Variants in EMILIN2 observed in about 807,000 individuals in gnomAD.
The protein encoded by EMILIN2 is elastin microfibril interfacer 2, also known as EMILIN-2.
Under a neutral mutation model 87.1 loss-of-function variants are expected in EMILIN2, and 71 were observed. That is an observed-to-expected ratio of 0.82 (90% CI 0.67 to 0.99). EMILIN2 has a LOEUF of 0.99. EMILIN2 is among the 50% of genes least tolerant of loss of function. The pLI, the probability that EMILIN2 is intolerant of heterozygous loss-of-function variation, is 0.00. For synonymous variants in EMILIN2, 581 were observed against 563.4 expected (o/e 1.03, Z -0.44); for missense variants, 1,407 against 1,371.8 (o/e 1.03, Z -0.40).
intron 2 of EMILIN2, among the ~76,000 whole-genome samples, chr18:2,868,182 G>A (rs574501250): frequency 1.3e-5 from 2 of 151,972 alleles, no homozygotes; most frequent in East Asian, 1.9e-4. Flanking sequence ...GGGCAGAGAC[G>A]CTCCTCACAT....
intron 4 of EMILIN2, 64 bp from the exon 5 acceptor site, chr18:2,906,719 G>T: frequency 8.4e-7 from 1 of 1,183,668 alleles, no homozygotes; most frequent in Non-Finnish European, 1.1e-6. Flanking sequence ...AGGGGACCCT[G>T]ACGGGGCAGT....
chr18:2,886,915 G>A (rs1308120177), intron 3 of EMILIN2, among the ~76,000 whole-genome samples: 1 of 152,038 alleles, frequency 6.6e-6, no homozygotes, highest in African/African-American at 2.4e-5. Flanking sequence ...TACCTGGACG[G>A]GACATCCTCT....
Position 2,909,685 on chromosome 18 carries a change from C to T in EMILIN2, c.2696-6C>T, listed in dbSNP as rs2076931799. 2.5e-6 allele frequency: 4 copies of T among 1,613,814 alleles called. No homozygotes were observed. The highest frequency in any genetic ancestry group is 2.5e-6 in the Non-Finnish European group (3 of 1,179,808). ...GTCAATCCATTCCATCCTTTCTCTG[C>T]TCCAGGAGCTCCGGTGCCTTCTCTG... On this transcript the variant is annotated splice_polypyrimidine_tract_variant and splice_region_variant and intron_variant, in intron 6 of 7. Transcript: ENST00000254528.
In EMILIN2 at chr18:2,913,438, A is replaced by C; in HGVS notation, c.*34A>C. On this transcript the variant is annotated 3_prime_UTR_variant, in exon 8 of 8. Coordinates refer to ENST00000254528, the MANE Select transcript of EMILIN2 (RefSeq NM_032048.3). ...GGGAGATGTCAGGGGAAAGATAGATAGTTGTAAAAACTCTAAAGCTTTAAT... is the reference window on the plus strand; with the variant it reads ...GGGAGATGTCAGGGGAAAGATAGATCGTTGTAAAAACTCTAAAGCTTTAAT... The C allele has an allele frequency of 6.7e-7, 1 of 1,491,960 alleles. No individual in the cohort carries two copies. Among genetic ancestry groups the C allele is most frequent in the East Asian group, 2.3e-5 (1 of 44,144 alleles). 92.4% of individuals were successfully genotyped at this position (1,491,960 alleles called of 1,614,324 possible).
At position 2,885,144 on chromosome 18, in the gene EMILIN2, C is replaced by T; in HGVS notation, c.433+5C>T. ...ACAGCTTGAAGAAAGCCACAGGTAA[C>T]TTCTTATTTGTGCTATTATGTATGG... is the stretch of plus-strand genomic sequence containing the variant. On this transcript the variant is annotated splice_donor_5th_base_variant and intron_variant, in intron 3 of 7. Transcript: ENST00000254528. 6.3e-7 allele frequency: 1 copy of T among 1,594,440 alleles called. No individual in the cohort carries two copies. Among genetic ancestry groups the T allele is most frequent in the South Asian group, 1.1e-5 (1 of 88,146 alleles).
rs540338330 is a variant in EMILIN2, at chr18:2,853,602, AC to A, written c.257+5674del. ...TTCATTGTTTTCCATTCTTATAGCAACCCTCTGGGGTCACTACCCCCATTTT... is the reference window on the plus strand; with the variant it reads ...TTCATTGTTTTCCATTCTTATAGCAACCTCTGGGGTCACTACCCCCATTTT... On this transcript the variant is annotated intron_variant, in intron 2 of 7. Transcript: ENST00000254528. Among the ~76,000 whole-genome samples the A allele has an allele frequency of 9.9e-5, 15 of 152,254 alleles. No homozygotes were observed. In the East Asian group the frequency reaches 2.9e-3, roughly 29 times the overall value.
intron 3 of EMILIN2, among the ~76,000 whole-genome samples, chr18:2,887,909 C>T (rs1364265785): frequency 6.6e-6 from 1 of 152,136 alleles, no homozygotes; most frequent in Non-Finnish European, 1.5e-5. Context: ...TCAAGTGATC[C>T]TCCCACCTCA....
rs369411367 is a variant in EMILIN2, at chr18:2,892,506, T to G, written c.2359+20T>G. ...CAGCAAGTAAGTTGAATATTACAATTCTATTTCTTGTATTTCTTTGCAGCA... is the reference window on the plus strand; with the variant it reads ...CAGCAAGTAAGTTGAATATTACAATGCTATTTCTTGTATTTCTTTGCAGCA... On this transcript the variant is annotated intron_variant, in intron 4 of 7. Coordinates refer to ENST00000254528, the MANE Select transcript of EMILIN2 (RefSeq NM_032048.3). 3 of 1,554,426 alleles carry G rather than the reference T, an allele frequency of 1.9e-6. No homozygotes were observed. The highest frequency in any genetic ancestry group is 2.6e-6 in the Non-Finnish European group (3 of 1,151,402).
chr18:2,907,069 CTTCGCG>C lies in EMILIN2; in HGVS notation c.2647_2652del (p.Phe883_Ala884del). On this transcript the variant is annotated inframe_deletion, in exon 5 of 8. Coordinates refer to ENST00000254528, the MANE Select transcript of EMILIN2 (RefSeq NM_032048.3). ...GCGGCACCGTCCCCGGCGCAGAAGG[CTTCGCG>C]GGCGCACCAGGTGAGGCCCGGGGCT... 1 of 1,255,008 alleles carries C rather than the reference CTTCGCG, an allele frequency of 8.0e-7. No individual in the cohort carries two copies. Among genetic ancestry groups the C allele is most frequent in the South Asian group, 3.2e-5 (1 of 30,808 alleles). 77.7% of individuals were successfully genotyped at this position (1,255,008 alleles called of 1,614,324 possible).
chr18:2,889,191 A>G (rs531039538), intron 3 of EMILIN2, among the ~76,000 whole-genome samples: 8 of 125,698 alleles, frequency 6.4e-5, no homozygotes, highest in South Asian at 4.8e-4. Flanking sequence ...AGACTGGAGT[A>G]CAGCGGCACT....
At position 2,906,886 on chromosome 18, in the gene EMILIN2, G is replaced by A. The variant is rs2076915943; in HGVS notation, c.2463G>A (p.Gly821=). ...GCCCCGCAACCGCAGAGGACCCTGG[G>A]CGACGGCCCGTCCTGCCCCAGCGGC... ...PSGPATAEDP[G]RRPVLPQRPP... The change falls in exon 5 of 8, where the codon GGG becomes GGA. Residue 821 remains glycine (G), a synonymous_variant. Transcript: ENST00000254528. 2.9e-6 allele frequency: 4 copies of A among 1,392,682 alleles called. No homozygotes were observed. The highest frequency in any genetic ancestry group is 1.5e-5 in the African/African-American group (1 of 66,786). The allele number at this position is 1,392,682 out of a possible 1,614,324, so 86.3% of individuals were successfully genotyped here. A position where few individuals can be genotyped will look rare whatever the true frequency, so the allele number is the denominator to read the frequency against.
At chr18:2,875,462 A>G (rs2076742780) in intron 2 of EMILIN2, among the ~76,000 whole-genome samples, 1 of 152,054 alleles carries the variant, frequency 6.6e-6, no homozygotes, top group African/African-American at 2.4e-5. Flanking sequence ...TATAGAATGT[A>G]TTTGGCTGAA....
intron 2 of EMILIN2, among the ~76,000 whole-genome samples, chr18:2,866,228 G>T (rs114534744): frequency 2.6e-3 from 390 of 152,286 alleles, no homozygotes; most frequent in African/African-American, 8.9e-3. Flanking sequence ...ACACTCCCCA[G>T]TGAGACGAAC....
intron 2 of EMILIN2, among the ~76,000 whole-genome samples, chr18:2,854,796 C>CA (rs1296520975): frequency 6.6e-6 from 1 of 151,912 alleles, no homozygotes; most frequent in East Asian, 1.9e-4. Context: ...ACAAAACAAA[C>CA]AAAAAAACCC....
chr18:2,913,127 G>A lies in EMILIN2; in HGVS notation c.2885G>A (p.Arg962Lys), dbSNP rs200483351. Residue 962 changes from arginine to lysine, a missense_variant, in exon 8 of 8, where the codon AGA (arginine) becomes AAA (lysine). Transcript: ENST00000254528. ...YLITATLTPE[R>K]DAYVEAVLSV... Reference sequence around the variant, plus strand: ...ATCACGGCCACCCTCACCCCCGAGAGAGACGCCTACGTGGAAGCAGTGCTG... The same window carrying A: ...ATCACGGCCACCCTCACCCCCGAGAAAGACGCCTACGTGGAAGCAGTGCTG... 2.1e-4 allele frequency: 344 copies of A among 1,613,698 alleles called. No homozygotes were observed. The highest frequency in any genetic ancestry group is 4.4e-5 in the Non-Finnish European group (52 of 1,180,048).
Position 2,890,118 on chromosome 18 carries a change from G to A in EMILIN2, c.434-443G>A, listed in dbSNP as rs936302028. On this transcript the variant is annotated intron_variant, in intron 3 of 7. Transcript: ENST00000254528. The surrounding 1 kb of genome is among the most constrained non-coding windows in gnomAD (Gnocchi z 4.7). ...GGATCTTGCTAAAGTGGTTTCTTGT[G>A]GTTTTACTGTATGCAGTCAACTCTT... Among the ~76,000 whole-genome samples the A allele has an allele frequency of 1.3e-5, 2 of 152,118 alleles. No individual in the cohort carries two copies. Among genetic ancestry groups the A allele is most frequent in the African/African-American group, 4.8e-5 (2 of 41,416 alleles).
In EMILIN2 at chr18:2,907,164, C is replaced by T. The variant is rs2076918587; in HGVS notation, c.2662+79C>T. The T allele has an allele frequency of 8.3e-6, 10 of 1,210,794 alleles. No individual in the cohort carries two copies. In the East Asian group the frequency reaches 2.9e-4, roughly 35 times the overall value. 75.0% of individuals were successfully genotyped at this position (1,210,794 alleles called of 1,614,324 possible). The stretch of plus-strand genomic sequence containing the variant: ...CTGAGCCTCGGGGTCTGCTGAGGGG[C>T]GTGGCGGTTCGGGGTCCAGCCTTCG... On this transcript the variant is annotated intron_variant, in intron 5 of 7. Transcript: ENST00000254528.
rs2076828897 is a variant in EMILIN2 at position 2,890,468 on chromosome 18, C to T, written c.434-93C>T. ...GTAGTGACCTGTAAGTGAAGATGTA[C>T]ATGTATTTTGTAGGTACCTTGTTTA... On this transcript the variant is annotated intron_variant, in intron 3 of 7. Coordinates refer to ENST00000254528, the MANE Select transcript of EMILIN2 (RefSeq NM_032048.3). The surrounding 1 kb of genome is among the most constrained non-coding windows in gnomAD (Gnocchi z 4.7). 7.1e-7 allele frequency: 1 copy of T among 1,417,890 alleles called. No homozygotes were observed. The highest frequency in any genetic ancestry group is 9.5e-7 in the Non-Finnish European group (1 of 1,050,156). The allele number at this position is 1,417,890 out of a possible 1,614,324, so 87.8% of individuals were successfully genotyped here.
chr18:2,876,567 C>G (rs1448998807), intron 2 of EMILIN2, among the ~76,000 whole-genome samples: 1 of 143,182 alleles, frequency 7.0e-6, no homozygotes, highest in Non-Finnish European at 1.5e-5. Context: ...GAGATCGAGA[C>G]CATCCTGGCT....
Sources: gnomAD v4.1 joint callset for allele counts (sites outside exome capture counted in the v4.1 genomes callset) on GRCh38, gnomAD v4.1.1 for gene constraint, Gnocchi (gnomAD v3.1) non-coding constraint, MANE v1.5 for transcripts, NCBI Gene and HGNC (gene_info 2026-07-23, HGNC 2026-07-21) for gene names.